ST6GAL1: variants seen among roughly 807,000 people sequenced by gnomAD.
The protein encoded by ST6GAL1 is beta-galactoside alpha-2,6-sialyltransferase 1.
ST6GAL1 carries 20 observed loss-of-function variants against 38.0 expected under a neutral mutation model. The ratio of observed to expected loss-of-function variants is 0.53; its 90% confidence interval spans 0.37 to 0.77. The LOEUF (loss-of-function observed/expected upper bound fraction) is 0.77. Among genes scored for constraint, ST6GAL1 ranks in the 30% least tolerant of loss-of-function variants. The probability of loss-of-function intolerance (pLI) is 0.00; values close to 1 mark genes in which losing one functional copy is unlikely to be tolerated. For synonymous variants in ST6GAL1, 196 were observed against 188.2 expected (o/e 1.04, Z -0.34); for missense variants, 432 against 496.4 (o/e 0.87, Z 1.23).
chr3:187,034,491 A>G (rs1717860967), intron 2 of ST6GAL1, among the ~76,000 whole-genome samples: 1 of 152,232 alleles, frequency 6.6e-6, no homozygotes. Flanking sequence ...ATGAAAATAA[A>G]TGCAAAAATC....
intron 1 of ST6GAL1, among the ~76,000 whole-genome samples, chr3:186,949,538 G>C (rs1472888871): frequency 6.6e-6 from 1 of 152,164 alleles, no homozygotes; most frequent in East Asian, 1.9e-4. Context: ...AACTGGCCAG[G>C]AGGAGATGAA....
chr3:187,067,826 A>G (rs1254114223), intron 5 of ST6GAL1, among the ~76,000 whole-genome samples: 1 of 152,070 alleles, frequency 6.6e-6, no homozygotes. Flanking sequence ...GCCTTAGACA[A>G]TTCTCTTGTC....
rs1307572971 is a variant in ST6GAL1, at chr3:186,993,599, TA to T, written c.-183+29674del. Among the ~76,000 whole-genome samples, 17 of 93,912 alleles carry T rather than the reference TA, an allele frequency of 1.8e-4. No individual in the cohort carries two copies. The East Asian group carries it at 1.9e-3, about 11-fold the overall frequency. The allele number at this position is 93,912 out of a possible 152,430, so 61.6% of individuals were successfully genotyped here. On this transcript the variant is annotated intron_variant, in intron 2 of 7. Coordinates refer to ENST00000169298, the MANE Select transcript of ST6GAL1 (RefSeq NM_173216.2). ...TTATTTATTTATTTATTTATTTATT[TA>T]TTTATATGTTTTAGAAAACTAAGAG...
rs533314390 is a variant in ST6GAL1 at position 187,039,237 on chromosome 3, T to C, written c.-51+364T>C. Among the ~76,000 whole-genome samples, 14 of 152,326 alleles carry C rather than the reference T, an allele frequency of 9.2e-5. No homozygotes were observed. The South Asian group carries it at 1.0e-3, about 11-fold the overall frequency. ...AGCATTGATTTCTGCCGGTTCAGTG[T>C]TGGCCAGTTCTTTGAAGGTGATGAT... On this transcript the variant is annotated intron_variant, in intron 3 of 7. Coordinates refer to ENST00000169298, the MANE Select transcript of ST6GAL1 (RefSeq NM_173216.2).
intron 6 of ST6GAL1, 125 bp from the exon 7 acceptor site, chr3:187,074,034 T>C: frequency 1.2e-6 from 1 of 833,408 alleles, no homozygotes; most frequent in Non-Finnish European, 1.8e-6. Flanking sequence ...AGAAAAGGGC[T>C]GTGCCTCAGG....
intron 5 of ST6GAL1, among the ~76,000 whole-genome samples, chr3:187,054,122 A>G (rs1718608040): frequency 6.6e-6 from 1 of 152,148 alleles, no homozygotes; most frequent in African/African-American, 2.4e-5. Flanking sequence ...GTGTATAGGA[A>G]TGCTTGTGAT....
rs143249626 is a variant in ST6GAL1, at chr3:187,057,341, C to A, written c.705+5995C>A. On this transcript the variant is annotated intron_variant, in intron 5 of 7. Transcript: ENST00000169298. The stretch of plus-strand genomic sequence containing the variant: ...AAGTCATTCTCCGTCCAGCTTTGTT[C>A]TGTTGCTGGCGAGGAGCTGCGATCC... 4.2e-3 allele frequency among the ~76,000 whole-genome samples: 633 copies of A among 152,334 alleles called. 2 individuals carry two copies. Among genetic ancestry groups the A allele is most frequent in the Non-Finnish European group, 6.0e-3 (407 of 68,032 alleles).
intron 5 of ST6GAL1, among the ~76,000 whole-genome samples, chr3:187,053,620 A>T (rs766538540): frequency 2.6e-5 from 4 of 151,968 alleles, no homozygotes; most frequent in Non-Finnish European, 4.4e-5. Flanking sequence ...GATGTGTGGT[A>T]TTATTTCTGA....
chr3:186,941,983 T>G (rs1466812447), intron 1 of ST6GAL1, among the ~76,000 whole-genome samples: 2 of 150,086 alleles, frequency 1.3e-5, no homozygotes, highest in Admixed American at 6.7e-5. Context: ...CTGCACTCCA[T>G]CCTAGGCGAC....
chr3:186,977,319 A>C (rs765697336), intron 2 of ST6GAL1, among the ~76,000 whole-genome samples: 23 of 152,312 alleles, frequency 1.5e-4, no homozygotes, highest in Admixed American at 6.5e-4. Flanking sequence ...ACCCTGATTT[A>C]GTTCCACGAT....
At chr3:186,979,610 G>C (rs907724454) in intron 2 of ST6GAL1, among the ~76,000 whole-genome samples, 5 of 152,122 alleles carry the variant, frequency 3.3e-5, no homozygotes, top group Admixed American at 2.0e-4. Flanking sequence ...CATCCTTCTG[G>C]CTGTAGCATC....
chr3:187,055,161 T>C (rs2108589768), intron 5 of ST6GAL1, among the ~76,000 whole-genome samples: 1 of 152,284 alleles, frequency 6.6e-6, no homozygotes, highest in Middle Eastern at 3.4e-3. Context: ...TTATCGTTTT[T>C]TATTGCGTCT....
intron 1 of ST6GAL1, among the ~76,000 whole-genome samples, chr3:186,933,174 C>A (rs188396951): frequency 6.6e-6 from 1 of 152,044 alleles, no homozygotes. Context: ...TGGTTTTCTA[C>A]GCTGCCGTGC....
intron 2 of ST6GAL1, among the ~76,000 whole-genome samples, chr3:187,028,227 G>T (rs1314872720): frequency 6.6e-6 from 1 of 152,178 alleles, no homozygotes; most frequent in Non-Finnish European, 1.5e-5. Flanking sequence ...CAGGGAAGTG[G>T]AGTTTATTTA....
chr3:187,010,484 A>T (rs1025457604), intron 2 of ST6GAL1, among the ~76,000 whole-genome samples: 4 of 152,208 alleles, frequency 2.6e-5, no homozygotes, highest in Non-Finnish European at 5.9e-5. Context: ...ATTTTTTGAG[A>T]TGGAGTTGTC....
intron 2 of ST6GAL1, among the ~76,000 whole-genome samples, chr3:187,013,936 G>T (rs1428447508): frequency 2.0e-5 from 3 of 152,196 alleles, no homozygotes; most frequent in Non-Finnish European, 4.4e-5. Flanking sequence ...TTTAGCCAAA[G>T]ATAAATACTG....
chr3:187,030,626 G>T lies in ST6GAL1; in HGVS notation c.-182-8116G>T, dbSNP rs565211668. 1.4e-4 allele frequency among the ~76,000 whole-genome samples: 21 copies of T among 152,128 alleles called. No homozygotes were observed. In the South Asian group the frequency reaches 4.4e-3, roughly 32 times the overall value. On this transcript the variant is annotated intron_variant, in intron 2 of 7. Coordinates refer to ENST00000169298, the MANE Select transcript of ST6GAL1 (RefSeq NM_173216.2). ...TTTTTGTATTTTTAGGAAAGATGAG[G>T]TTTCACCGTGTTGGCTAGGCTGGTC...
chr3:187,070,938 T>C (rs1423786757), intron 5 of ST6GAL1, among the ~76,000 whole-genome samples: 1 of 152,184 alleles, frequency 6.6e-6, no homozygotes, highest in Non-Finnish European at 1.5e-5. Flanking sequence ...CTCAAAGATA[T>C]ATTGAGGAAA....
chr3:187,078,361 A>G lies in ST6GAL1; in HGVS notation c.*2558A>G, dbSNP rs549148004. The G allele has an allele frequency of 7.2e-5, 11 of 152,264 alleles. No individual in the cohort carries two copies. Among genetic ancestry groups the G allele is most frequent in the Admixed American group, 1.3e-4 (2 of 15,294 alleles). The allele number at this position is 152,264 out of a possible 1,614,324, so 9.4% of individuals were successfully genotyped here. On this transcript the variant is annotated 3_prime_UTR_variant, in exon 8 of 8. Coordinates refer to ENST00000169298, the MANE Select transcript of ST6GAL1 (RefSeq NM_173216.2). Reference sequence around the variant, plus strand: ...TTATGAGTTAATGCTGCCTGTGTCTATGGGGTTCTGTCTTCTTTGATAGCC... The same window carrying G: ...TTATGAGTTAATGCTGCCTGTGTCTGTGGGGTTCTGTCTTCTTTGATAGCC...
Sources: gnomAD v4.1 joint callset for allele counts (sites outside exome capture counted in the v4.1 genomes callset) on GRCh38, gnomAD v4.1.1 for gene constraint, MANE v1.5 for transcripts, NCBI Gene and HGNC (gene_info 2026-07-23, HGNC 2026-07-21) for gene names.